Variants in ATAD3B observed in about 807,000 individuals in gnomAD.
The protein encoded by ATAD3B is ATPase family AAA domain containing 3B.
A neutral mutation model predicts 70.2 loss-of-function variants in ATAD3B; 59 were observed. That is an observed-to-expected ratio of 0.84 (90% confidence interval 0.68 to 1.04). ATAD3B has a LOEUF of 1.04. Among genes scored for constraint, ATAD3B ranks in the 50% least tolerant of loss-of-function variants. ATAD3B has a pLI of 0.00. For missense variants in ATAD3B, 961 were observed against 913.4 expected (o/e 1.05, Z -0.67); for synonymous variants, 423 against 388.6 (o/e 1.09, Z -1.04).
chr1:1,479,724 C>T (rs1427812196), intron 4 of ATAD3B, among the ~76,000 whole-genome samples: 1 of 145,454 alleles, frequency 6.9e-6, no homozygotes, highest in African/African-American at 2.6e-5. Flanking sequence ...GCACCTCCCA[C>T]ACACACCCGA....
intron 4 of ATAD3B, among the ~76,000 whole-genome samples, chr1:1,479,393 T>G (rs1488617814): frequency 7.6e-6 from 1 of 131,418 alleles, no homozygotes; most frequent in African/African-American, 3.0e-5. Context: ...CCTGCACACA[T>G]GGGCACACAC....
At chr1:1,505,867 A>G in the ATAD3B span, among the ~76,000 whole-genome samples, 1 of 152,224 alleles carries the variant, frequency 6.6e-6, no homozygotes. Context: ...TATATCTGGT[A>G]TAACTATTCC....
In ATAD3B at chr1:1,485,705, G is replaced by T; in HGVS notation, c.907-77G>T. The T allele has an allele frequency of 1.3e-6, 2 of 1,593,118 alleles. 1 individual carries two copies. ...GGCAGCTCCGTTTCTGTGTGTTACC[G>T]AGCATGTGTGTGCGTTGGTGGCTGT... On this transcript the variant is annotated intron_variant, in intron 8 of 15. Transcript: ENST00000673477.
At chr1:1,482,112 T>A in intron 5 of ATAD3B, 26 bp from the exon 6 acceptor site, 1 of 1,599,204 alleles carries the variant, frequency 6.3e-7, no homozygotes. Context: ...TGCATGGTGC[T>A]GAGCTGCCCT....
chr1:1,503,006 C>T, the ATAD3B span, among the ~76,000 whole-genome samples: 3 of 150,850 alleles, frequency 2.0e-5, no homozygotes, highest in Non-Finnish European at 3.0e-5. Flanking sequence ...AGGTGAATCA[C>T]GAGGTCAGGA....
At chr1:1,503,788 G>A in the ATAD3B span, 123 of 1,375,630 alleles carry the variant, frequency 8.9e-5, no homozygotes, top group Non-Finnish European at 1.1e-4. Context: ...GTGCAGGGCC[G>A]AGCTTGGGCG....
chr1:1,502,883 G>A, the ATAD3B span, among the ~76,000 whole-genome samples: 3 of 150,968 alleles, frequency 2.0e-5, no homozygotes, highest in Non-Finnish European at 2.9e-5. Flanking sequence ...ATTATCCTTT[G>A]CTATTAATAA....
At position 1,496,243 on chromosome 1, in the gene ATAD3B, AG is replaced by A. The variant is rs1640788669; in HGVS notation, c.*430del. ...ATTGACTGACACTGCTCGGGGTTTC[AG>A]GGGCGCCCTAGCGTCCTCCTGGGGT... is the stretch of plus-strand genomic sequence containing the variant. On this transcript the variant is annotated 3_prime_UTR_variant, in exon 16 of 16. Coordinates refer to ENST00000673477, the MANE Select transcript of ATAD3B (RefSeq NM_031921.6). The A allele has an allele frequency of 4.0e-6, 4 of 997,360 alleles. 1 individual carries two copies. Among genetic ancestry groups the A allele is most frequent in the South Asian group, 9.2e-5 (2 of 21,658 alleles). 61.8% of individuals were successfully genotyped at this position (997,360 alleles called of 1,614,324 possible).
At position 1,496,102 on chromosome 1, in the gene ATAD3B, A is replaced by G. The variant is rs1304967764; in HGVS notation, c.*285A>G. 5.1e-6 allele frequency: 6 copies of G among 1,186,556 alleles called. No homozygotes were observed. The highest frequency in any genetic ancestry group is 6.3e-6 in the Non-Finnish European group (6 of 955,012). The allele number at this position is 1,186,556 out of a possible 1,614,324, so 73.5% of individuals were successfully genotyped here. A position where few individuals can be genotyped will look rare whatever the true frequency, so the allele number is the denominator to read the frequency against. ...TTCCAGCCATGGCCAGGGGCCACGG[A>G]ACCCGGCAGGGGTGTCTGAGGCCGC... On this transcript the variant is annotated 3_prime_UTR_variant, in exon 16 of 16. Coordinates refer to ENST00000673477, the MANE Select transcript of ATAD3B (RefSeq NM_031921.6).
intron 13 of ATAD3B, 160 bp downstream of exon 13, chr1:1,489,434 C>A: frequency 7.6e-7 from 1 of 1,319,534 alleles, no homozygotes; most frequent in Non-Finnish European, 1.0e-6. Context: ...CGGGACAGCA[C>A]GGGGTGTCAT....
chr1:1,506,412 T>A, the ATAD3B span, among the ~76,000 whole-genome samples: 1 of 151,848 alleles, frequency 6.6e-6, no homozygotes, highest in African/African-American at 2.4e-5. Flanking sequence ...TTTTCTTTTT[T>A]TTTTTTTCTT....
chr1:1,495,694 C>T lies in ATAD3B; in HGVS notation c.1824C>T (p.Ala608=), dbSNP rs200599738. The change falls in exon 16 of 16, where the codon GCC becomes GCT. Residue 608 remains alanine, a synonymous_variant. Coordinates refer to ENST00000673477, the MANE Select transcript of ATAD3B (RefSeq NM_031921.6). ...CGGACCCCTCCTACCCCTGCCTTGC[C>T]GGCCCCTGCACATTTAGGATATGCT... ...LATDPSYPCL[A]GPCTFRICSW... 1.7e-5 allele frequency: 27 copies of T among 1,613,042 alleles called. 1 individual carries two copies. The highest frequency in any genetic ancestry group is 4.4e-5 in the South Asian group (4 of 90,996).
At chr1:1,485,196 C>A in intron 8 of ATAD3B, 25 bp downstream of exon 8, 1 of 1,606,402 alleles carries the variant, frequency 6.2e-7, no homozygotes. Flanking sequence ...CTGGCCCTCC[C>A]TGAGTGCAGT....
At chr1:1,508,499 C>T in the ATAD3B span, among the ~76,000 whole-genome samples, 7 of 151,576 alleles carry the variant, frequency 4.6e-5, no homozygotes, top group African/African-American at 9.8e-5. Flanking sequence ...TTCCTCCAGG[C>T]GTCCTGGTGC....
intron 1 of ATAD3B, among the ~76,000 whole-genome samples, chr1:1,476,551 C>G (rs141390154): frequency 0.018 from 2,755 of 151,900 alleles, 68 homozygotes; most frequent in African/African-American, 0.031. Flanking sequence ...TGCTGTCTCC[C>G]CCGCTGGAGT....
intron 7 of ATAD3B, 117 bp from the exon 8 acceptor site, chr1:1,484,899 C>G (rs1461377426): frequency 6.9e-7 from 1 of 1,453,440 alleles, no homozygotes; most frequent in South Asian, 1.4e-5. Flanking sequence ...GGGGCCAGCA[C>G]ACGGCCCTGT....
chr1:1,490,477 G>A lies in ATAD3B; in HGVS notation c.1505+53G>A, dbSNP rs770811756. On this transcript the variant is annotated intron_variant, in intron 14 of 15. Coordinates refer to ENST00000673477, the MANE Select transcript of ATAD3B (RefSeq NM_031921.6). ...AATCCAGGCACCATATGGCATGGGT[G>A]TAGGCCAGCTGCCTGTCTTCCGGCC... The A allele has an allele frequency of 1.2e-5, 19 of 1,610,988 alleles. No homozygotes were observed. The East Asian group carries it at 4.0e-4, about 34-fold the overall frequency.
At chr1:1,472,127 C>A in intron 1 of ATAD3B, 38 bp downstream of exon 1, 1 of 249,708 alleles carries the variant, frequency 4.0e-6, no homozygotes, top group Middle Eastern at 1.3e-3. Flanking sequence ...GGCGGGCGGG[C>A]GGGACGGGCC....
At chr1:1,493,703 C>T (rs1640645129) in intron 15 of ATAD3B, among the ~76,000 whole-genome samples, 1 of 151,834 alleles carries the variant, frequency 6.6e-6, no homozygotes, top group African/African-American at 2.4e-5. Flanking sequence ...CATGTGGTTT[C>T]CTTCCTCCAC....
Sources: gnomAD v4.1 joint callset for allele counts (sites outside exome capture counted in the v4.1 genomes callset) on GRCh38, gnomAD v4.1.1 for gene constraint, MANE v1.5 for transcripts, NCBI Gene and HGNC (gene_info 2026-07-23, HGNC 2026-07-21) for gene names.